The following PRRC2B variants were observed in gnomAD, a reference collection of about 807,000 sequenced individuals.
PRRC2B encodes the protein protein PRRC2B.
Under a neutral mutation model 242.3 loss-of-function variants are expected in PRRC2B, and 68 were observed. The ratio of observed to expected loss-of-function variants is 0.28; its 90% CI spans 0.23 to 0.34. The LOEUF (loss-of-function observed/expected upper bound fraction) is 0.34. PRRC2B is among the 10% of genes least tolerant of loss of function. PRRC2B has a pLI of 1.00. For missense variants in PRRC2B, 2,835 were observed against 2,954.8 expected, an observed-to-expected ratio of 0.96 and a Z score of 0.94; for synonymous variants, 1,228 against 1,173.6, an observed-to-expected ratio of 1.05 and a Z score of -0.95.
chr9:131,395,128 A>G (rs1242296864), intron 1 of PRRC2B, among the ~76,000 whole-genome samples: 3 of 151,666 alleles, frequency 2.0e-5, no homozygotes, highest in Non-Finnish European at 2.9e-5. Context: ...GCCCACCTTT[A>G]GGCAAGAATT....
chr9:131,494,066 T>A lies in PRRC2B; in HGVS notation c.6474-339T>A, dbSNP rs1255884063. On this transcript the variant is annotated intron_variant, in intron 30 of 31. Coordinates refer to ENST00000683519, the MANE Select transcript of PRRC2B (RefSeq NM_013318.4). This position sits in a 1 kb window ranked among gnomAD's most constrained non-coding sequence, Gnocchi z 4.3. ...TTTTGTCTGGGGCACTGCATCGTGTTGGTCCAGACCCTGAGACGGCCAGTG... is the reference window on the plus strand; with the variant it reads ...TTTTGTCTGGGGCACTGCATCGTGTAGGTCCAGACCCTGAGACGGCCAGTG... Among the ~76,000 whole-genome samples, 1 of 152,230 alleles carries A rather than the reference T, an allele frequency of 6.6e-6. No homozygotes were observed. Among genetic ancestry groups the A allele is most frequent in the Non-Finnish European group, 1.5e-5 (1 of 68,036 alleles).
At chr9:131,374,964 A>C (rs1021854429) in intron 1 of PRRC2B, among the ~76,000 whole-genome samples, 1 of 152,088 alleles carries the variant, frequency 6.6e-6, no homozygotes, top group Non-Finnish European at 1.5e-5. Flanking sequence ...ACTTCACTTC[A>C]TTGTTTGTAG....
At chr9:131,397,610 T>G (rs1338244223) in intron 1 of PRRC2B, among the ~76,000 whole-genome samples, 1 of 144,694 alleles carries the variant, frequency 6.9e-6, no homozygotes, top group South Asian at 2.2e-4. Context: ...CTGACTCATG[T>G]TGCTAATGGC....
At chr9:131,420,372 C>T (rs984227405) in intron 1 of PRRC2B, among the ~76,000 whole-genome samples, 2 of 151,824 alleles carry the variant, frequency 1.3e-5, no homozygotes, top group South Asian at 2.1e-4. Flanking sequence ...GCCAGTGCCT[C>T]GCTCTTAGGG....
intron 1 of PRRC2B, among the ~76,000 whole-genome samples, chr9:131,409,302 G>T (rs1199021498): frequency 1.3e-5 from 2 of 152,122 alleles, no homozygotes; most frequent in Non-Finnish European, 1.5e-5. Flanking sequence ...GATTACAGAC[G>T]TGAGCCACCG....
At position 131,478,548 on chromosome 9, in the gene PRRC2B, A is replaced by G; in HGVS notation, c.4687A>G (p.Ile1563Val). The G allele has an allele frequency of 1.2e-6, 2 of 1,609,148 alleles. No individual in the cohort carries two copies. The highest frequency in any genetic ancestry group is 1.7e-6 in the Non-Finnish European group (2 of 1,177,306). ...GGGTTCTATGGTGGGCGAAGGCTTCATCGAAGTCCTGACCAAGAAGCAGCG... is the reference window on the plus strand; with the variant it reads ...GGGTTCTATGGTGGGCGAAGGCTTCGTCGAAGTCCTGACCAAGAAGCAGCG... ...EVGSMVGEGF[I>V]EVLTKKQRRL... The change falls in exon 18 of 32, where the codon ATC (isoleucine) becomes GTC (valine). Residue 1563 changes from isoleucine (I) to valine (V), a missense_variant. Coordinates refer to ENST00000683519, the MANE Select transcript of PRRC2B (RefSeq NM_013318.4).
chr9:131,470,204 C>T (rs1267385318), intron 13 of PRRC2B, among the ~76,000 whole-genome samples: 4 of 152,178 alleles, frequency 2.6e-5, no homozygotes, highest in African/African-American at 9.7e-5. Flanking sequence ...ACACGGGACC[C>T]AACCCTCACT....
intron 3 of PRRC2B, among the ~76,000 whole-genome samples, chr9:131,433,964 G>A (rs1199524913): frequency 6.6e-6 from 1 of 152,152 alleles, no homozygotes; most frequent in Non-Finnish European, 1.5e-5. Flanking sequence ...GGACAGTATA[G>A]CATGACTTTT....
chr9:131,439,928 G>C (rs891797038), intron 5 of PRRC2B, among the ~76,000 whole-genome samples: 9 of 150,284 alleles, frequency 6.0e-5, no homozygotes, highest in Admixed American at 1.3e-4. Flanking sequence ...TCCATTCTGA[G>C]TAGAGACAAG....
At chr9:131,433,316 C>T (rs1413678409) in intron 3 of PRRC2B, among the ~76,000 whole-genome samples, 1 of 152,220 alleles carries the variant, frequency 6.6e-6, no homozygotes, top group East Asian at 1.9e-4. Context: ...GAGAACAGCA[C>T]AGAATCCTCC....
At chr9:131,412,797 C>CTTTTTT (rs35175798) in intron 1 of PRRC2B, among the ~76,000 whole-genome samples, 2 of 138,020 alleles carry the variant, frequency 1.4e-5, no homozygotes, top group Non-Finnish European at 1.5e-5. Context: ...CTCTCTCTCT[C>CTTTTTT]TTTTTTTTTT....
In PRRC2B at chr9:131,482,032, A is replaced by G. The variant is rs1353445440; in HGVS notation, c.4983+224A>G. ...GCAGGAGAAAGAGAAAAGGGGTAAC[A>G]AGGGAGGACCCAACGCTGGGTGGGA... On this transcript the variant is annotated intron_variant, in intron 20 of 31. Coordinates refer to ENST00000683519, the MANE Select transcript of PRRC2B (RefSeq NM_013318.4). The surrounding 1 kb of genome is among the most constrained non-coding windows in gnomAD (Gnocchi z 5.2). 6.6e-6 allele frequency among the ~76,000 whole-genome samples: 1 copy of G among 152,218 alleles called. No individual in the cohort carries two copies. Among genetic ancestry groups the G allele is most frequent in the African/African-American group, 2.4e-5 (1 of 41,450 alleles).
chr9:131,466,746 T>C (rs1943405949), intron 12 of PRRC2B, among the ~76,000 whole-genome samples: 1 of 151,908 alleles, frequency 6.6e-6, no homozygotes, highest in African/African-American at 2.4e-5. Flanking sequence ...CAACCTCCCA[T>C]ATAGCTGGGA....
intron 1 of PRRC2B, among the ~76,000 whole-genome samples, chr9:131,414,680 C>G (rs1837598357): frequency 6.6e-6 from 1 of 151,400 alleles, no homozygotes; most frequent in Admixed American, 6.6e-5. Flanking sequence ...AAGTGATCTT[C>G]TGCCTCAGCC....
intron 1 of PRRC2B, among the ~76,000 whole-genome samples, chr9:131,407,896 G>C (rs1047152278): frequency 6.6e-6 from 1 of 152,214 alleles, no homozygotes; most frequent in Non-Finnish European, 1.5e-5. Flanking sequence ...AGCCACCTTA[G>C]TGGCGGTTAG....
At chr9:131,414,222 A>C (rs939966386) in intron 1 of PRRC2B, among the ~76,000 whole-genome samples, 2 of 151,692 alleles carry the variant, frequency 1.3e-5, no homozygotes, top group African/African-American at 4.8e-5. Flanking sequence ...AGGGAAAAAA[A>C]TGAAACTTTT....
chr9:131,380,886 C>CAAAAAAAAAAAAAAAAAAA (rs61180556), intron 1 of PRRC2B, among the ~76,000 whole-genome samples: 2 of 108,342 alleles, frequency 1.8e-5, no homozygotes, highest in Non-Finnish European at 1.9e-5. Context: ...ATTCTGTCTC[C>CAAAAAAAAAAAAAAAAAAA]AAAAAAAAAA....
intron 11 of PRRC2B, among the ~76,000 whole-genome samples, chr9:131,463,566 TG>T (rs1943303597): frequency 6.6e-6 from 1 of 150,830 alleles, no homozygotes; most frequent in South Asian, 2.1e-4. Context: ...TCCCAGTAAC[TG>T]GCAACCAGCA....
chr9:131,413,912 C>T (rs1478862143), intron 1 of PRRC2B, among the ~76,000 whole-genome samples: 4 of 150,296 alleles, frequency 2.7e-5, no homozygotes, highest in African/African-American at 9.8e-5. Context: ...CCTCATGATC[C>T]ACCCGCCTCG....
Sources: allele counts gnomAD v4.1 joint callset (sites outside exome capture counted in the v4.1 genomes callset), GRCh38; gene constraint gnomAD v4.1.1; non-coding constraint Gnocchi (gnomAD v3.1); transcripts MANE v1.5; gene names NCBI Gene and HGNC (gene_info 2026-07-23, HGNC 2026-07-21).